The following SLMAP variants were observed in gnomAD, a reference collection of about 807,000 sequenced individuals.
The protein encoded by SLMAP is sarcolemmal membrane-associated protein.
Under a neutral mutation model 128.8 loss-of-function variants are expected in SLMAP, and 44 were observed. The ratio of observed to expected loss-of-function variants is 0.34; its 90% CI spans 0.27 to 0.44. The LOEUF is 0.44. Among genes scored for constraint, SLMAP ranks in the 20% least tolerant of loss-of-function variants. The pLI is 1.00. For missense variants in SLMAP, 787 were observed against 985.3 expected, an observed-to-expected ratio of 0.80 and a Z score of 2.69; for synonymous variants, 327 against 348.8, an observed-to-expected ratio of 0.94 and a Z score of 0.70.
At chr3:57,888,213 T>A (rs1439500524) in intron 14 of SLMAP, among the ~76,000 whole-genome samples, 2 of 152,004 alleles carry the variant, frequency 1.3e-5, no homozygotes, top group Non-Finnish European at 2.9e-5. Flanking sequence ...ATATAAAAAT[T>A]AATAAAACAA....
chr3:57,900,040 T>A (rs2096338292), intron 17 of SLMAP: 1 of 152,194 alleles, frequency 6.6e-6, no homozygotes. Context: ...TTCAATAGAC[T>A]GACATAATTT....
intron 2 of SLMAP, among the ~76,000 whole-genome samples, chr3:57,790,020 A>T (rs1394166212): frequency 6.6e-6 from 1 of 152,042 alleles, no homozygotes; most frequent in Non-Finnish European, 1.5e-5. Context: ...TATTTTTAGT[A>T]GAGACGGGGT....
intron 7 of SLMAP, 122 bp from the exon 8 acceptor site, chr3:57,857,966 T>A: frequency 1.1e-6 from 1 of 918,230 alleles, no homozygotes; most frequent in Non-Finnish European, 1.7e-6. Context: ...TTTAGCATTT[T>A]ACAGTGGATG....
At chr3:57,811,073 T>G (rs2090878589) in intron 2 of SLMAP, among the ~76,000 whole-genome samples, 1 of 152,222 alleles carries the variant, frequency 6.6e-6, no homozygotes, top group Non-Finnish European at 1.5e-5. Context: ...AAATTTTTAT[T>G]GTGATAAAAT....
intron 2 of SLMAP, among the ~76,000 whole-genome samples, chr3:57,792,387 A>C (rs1331758603): frequency 6.6e-6 from 1 of 151,698 alleles, no homozygotes; most frequent in Non-Finnish European, 1.5e-5. Flanking sequence ...GACAGCACAT[A>C]ATTAATGTGC....
intron 6 of SLMAP, among the ~76,000 whole-genome samples, chr3:57,853,678 TG>T (rs1358685771): frequency 4.0e-5 from 6 of 151,788 alleles, no homozygotes; most frequent in Admixed American, 2.6e-4. Flanking sequence ...ACGGTGGCTA[TG>T]CCTGTAATCC....
At chr3:57,760,575 C>G (rs529632783) in intron 2 of SLMAP, among the ~76,000 whole-genome samples, 2 of 152,076 alleles carry the variant, frequency 1.3e-5, no homozygotes, top group Admixed American at 6.6e-5. Flanking sequence ...CCAAATAGTT[C>G]TCGTATGAAA....
At chr3:57,919,253 C>T (rs1386745673) in intron 22 of SLMAP, among the ~76,000 whole-genome samples, 3 of 151,620 alleles carry the variant, frequency 2.0e-5, no homozygotes, top group Admixed American at 6.6e-5. Context: ...TGATGGCATG[C>T]GCCTGTAATC....
At chr3:57,758,230 C>G (rs1320695078) in intron 2 of SLMAP, among the ~76,000 whole-genome samples, 1 of 152,140 alleles carries the variant, frequency 6.6e-6, no homozygotes, top group Admixed American at 6.6e-5. Flanking sequence ...AATCCGTGGC[C>G]ATTATTATCC....
intron 14 of SLMAP, among the ~76,000 whole-genome samples, chr3:57,880,003 G>T (rs932290518): frequency 6.6e-6 from 1 of 151,978 alleles, no homozygotes; most frequent in Non-Finnish European, 1.5e-5. Flanking sequence ...ACCTTTATGG[G>T]AGAGGAAGGG....
chr3:57,775,610 G>A (rs1002706093), intron 2 of SLMAP, among the ~76,000 whole-genome samples: 3 of 151,566 alleles, frequency 2.0e-5, no homozygotes, highest in Non-Finnish European at 4.4e-5. Context: ...GATAGCTTGA[G>A]CCTGGGAGTT....
intron 17 of SLMAP, among the ~76,000 whole-genome samples, chr3:57,904,608 G>A (rs2096481708): frequency 6.6e-6 from 1 of 152,114 alleles, no homozygotes; most frequent in African/African-American, 2.4e-5. Flanking sequence ...AGTTGTCTCA[G>A]TAATGTTCTT....
At chr3:57,837,634 A>C (rs1340873297) in intron 3 of SLMAP, among the ~76,000 whole-genome samples, 1 of 152,028 alleles carries the variant, frequency 6.6e-6, no homozygotes, top group Non-Finnish European at 1.5e-5. Flanking sequence ...CTCCCAAAGT[A>C]CTGGGATTAC....
chr3:57,859,970 T>C (rs909358872), intron 8 of SLMAP, among the ~76,000 whole-genome samples: 2 of 152,230 alleles, frequency 1.3e-5, no homozygotes, highest in East Asian at 3.8e-4. Context: ...TGGTTTTTCA[T>C]CTACCAAAGA....
At chr3:57,824,168 C>A (rs1012393304) in intron 2 of SLMAP, among the ~76,000 whole-genome samples, 10 of 152,026 alleles carry the variant, frequency 6.6e-5, no homozygotes, top group Non-Finnish European at 1.3e-4. Flanking sequence ...CAGATTTGAA[C>A]AGGCAGAAGA....
At chr3:57,759,542 C>T (rs148251855) in intron 2 of SLMAP, among the ~76,000 whole-genome samples, 145 of 152,304 alleles carry the variant, frequency 9.5e-4, no homozygotes, top group African/African-American at 3.2e-3. Flanking sequence ...TCCCAAAGTG[C>T]TGGGATTACA....
intron 14 of SLMAP, among the ~76,000 whole-genome samples, chr3:57,874,943 A>G (rs966218156): frequency 6.6e-6 from 1 of 152,116 alleles, no homozygotes; most frequent in Non-Finnish European, 1.5e-5. Flanking sequence ...ATACTTAGCT[A>G]TATTTGTAAC....
chr3:57,908,735 A>G (rs994012941), intron 18 of SLMAP, among the ~76,000 whole-genome samples: 1 of 152,244 alleles, frequency 6.6e-6, no homozygotes, highest in Non-Finnish European at 1.5e-5. Context: ...TGTGCTTGAC[A>G]GTAAATATAA....
intron 17 of SLMAP, among the ~76,000 whole-genome samples, chr3:57,906,515 A>G (rs146417514): frequency 0.018 from 2,715 of 147,702 alleles, 73 homozygotes; most frequent in African/African-American, 0.063. Context: ...CGGGGTTTCC[A>G]CATGTTGCCC....
Sources: allele counts gnomAD v4.1 joint callset (sites outside exome capture counted in the v4.1 genomes callset), GRCh38; gene constraint gnomAD v4.1.1; transcripts MANE v1.5; gene names NCBI Gene and HGNC (gene_info 2026-07-23, HGNC 2026-07-21).